STXBP5L: variants seen among roughly 807,000 people sequenced by gnomAD.
STXBP5L encodes the protein syntaxin binding protein 5L.
A neutral mutation model predicts 144.5 loss-of-function variants in STXBP5L; 65 were observed. The ratio of observed to expected loss-of-function variants is 0.45; its 90% CI spans 0.37 to 0.55. The LOEUF is 0.55. Ranked by LOEUF, STXBP5L falls within the 20% of genes least tolerant of loss-of-function variation. The pLI, the probability that STXBP5L is intolerant of heterozygous loss-of-function variation, is 0.00. For missense variants in STXBP5L, 1,298 were observed against 1,405.5 expected (o/e 0.92, Z 1.22); for synonymous variants, 505 against 469.6 (o/e 1.08, Z -0.97).
At chr3:121,045,590 G>A (rs1947462934) in intron 5 of STXBP5L, 55 bp downstream of exon 5, 2 of 1,515,670 alleles carry the variant, frequency 1.3e-6, no homozygotes, top group African/African-American at 1.4e-5. Flanking sequence ...TATTTCCTGA[G>A]CAAGTTTTTG....
intron 5 of STXBP5L, among the ~76,000 whole-genome samples, chr3:121,061,285 AGT>A (rs2041264636): frequency 6.6e-6 from 1 of 152,116 alleles, no homozygotes; most frequent in East Asian, 1.9e-4. Flanking sequence ...TGTGGTTTTG[AGT>A]GAGTTTCTTA....
intron 7 of STXBP5L, among the ~76,000 whole-genome samples, chr3:121,140,132 A>G (rs1385959403): frequency 7.1e-6 from 1 of 141,628 alleles, no homozygotes; most frequent in Non-Finnish European, 1.6e-5. Flanking sequence ...AAGACATATT[A>G]TAAATGGCCA....
At chr3:121,168,913 G>A (rs1293231206) in intron 9 of STXBP5L, among the ~76,000 whole-genome samples, 1 of 152,058 alleles carries the variant, frequency 6.6e-6, no homozygotes, top group Non-Finnish European at 1.5e-5. Context: ...TAAAATGAAG[G>A]AAAAAACATT....
intron 20 of STXBP5L, chr3:121,357,836 C>G (rs141872361): frequency 2.0e-5 from 3 of 152,160 alleles, no homozygotes; most frequent in Admixed American, 6.6e-5. Context: ...CACTTCCACA[C>G]GCATACAAAA....
At chr3:121,097,568 A>G (rs970446532) in intron 5 of STXBP5L, among the ~76,000 whole-genome samples, 5 of 152,050 alleles carry the variant, frequency 3.3e-5, no homozygotes, top group African/African-American at 1.2e-4. Flanking sequence ...TTAGGGGAGA[A>G]AATTTCCCGA....
chr3:120,996,259 A>G (rs1049463020), intron 3 of STXBP5L, among the ~76,000 whole-genome samples: 2 of 151,946 alleles, frequency 1.3e-5, no homozygotes, highest in Non-Finnish European at 2.9e-5. Flanking sequence ...TTTGGTGTTT[A>G]CGCAGATTTT....
At chr3:120,918,720 G>C (rs1464912325) in intron 2 of STXBP5L, among the ~76,000 whole-genome samples, 7 of 152,200 alleles carry the variant, frequency 4.6e-5, no homozygotes, top group South Asian at 2.1e-4. Flanking sequence ...TCTTTTTGTA[G>C]TTGATTTGTT....
At chr3:121,089,861 A>G (rs1213981854) in intron 5 of STXBP5L, among the ~76,000 whole-genome samples, 4 of 152,078 alleles carry the variant, frequency 2.6e-5, no homozygotes, top group South Asian at 4.1e-4. Context: ...TCTGGTGTTT[A>G]GCTTATCCAC....
intron 5 of STXBP5L, among the ~76,000 whole-genome samples, chr3:121,096,091 G>A (rs987573870): frequency 6.6e-6 from 1 of 150,492 alleles, no homozygotes; most frequent in Non-Finnish European, 1.5e-5. Context: ...TTGCTTGGTG[G>A]GCTGTACCCA....
chr3:121,051,201 C>A (rs1189815673), intron 5 of STXBP5L, among the ~76,000 whole-genome samples: 2 of 151,928 alleles, frequency 1.3e-5, no homozygotes, highest in Non-Finnish European at 2.9e-5. Flanking sequence ...ACAAGGATAC[C>A]CAGGAATTGT....
chr3:121,235,271 T>C (rs1005321161), intron 12 of STXBP5L, among the ~76,000 whole-genome samples: 1 of 152,082 alleles, frequency 6.6e-6, no homozygotes, highest in Non-Finnish European at 1.5e-5. Context: ...CTCTCAGCTA[T>C]ACTGAATGTT....
In STXBP5L at chr3:121,231,007, C is replaced by T. The variant is rs2049290256; in HGVS notation, c.1112-2609C>T. 2.0e-5 allele frequency among the ~76,000 whole-genome samples: 3 copies of T among 152,176 alleles called. No individual in the cohort carries two copies. In the South Asian group the frequency reaches 6.2e-4, roughly 32 times the overall value. On this transcript the variant is annotated intron_variant, in intron 11 of 26. Coordinates refer to ENST00000471454, the MANE Select transcript of STXBP5L (RefSeq NM_001308330.2). ...TAAGGTTCCTAGATCATAGAGGATC[C>T]CCAGTCCCATTATTTTTAATCACTA...
At chr3:121,188,138 A>G (rs2047478759) in intron 9 of STXBP5L, among the ~76,000 whole-genome samples, 1 of 152,144 alleles carries the variant, frequency 6.6e-6, no homozygotes, top group Non-Finnish European at 1.5e-5. Flanking sequence ...AAGAGAGAAA[A>G]TTAACAAGGA....
intron 3 of STXBP5L, among the ~76,000 whole-genome samples, chr3:120,986,666 C>T (rs971840559): frequency 3.3e-5 from 5 of 151,672 alleles, no homozygotes; most frequent in Non-Finnish European, 7.4e-5. Context: ...CACACCTGTT[C>T]TGATAACATG....
chr3:121,079,679 G>T (rs1576880559), intron 5 of STXBP5L, among the ~76,000 whole-genome samples: 1 of 152,164 alleles, frequency 6.6e-6, no homozygotes, highest in Non-Finnish European at 1.5e-5. Flanking sequence ...TTGCATTGTG[G>T]TCTGAGAAGA....
intron 5 of STXBP5L, among the ~76,000 whole-genome samples, chr3:121,100,605 G>A (rs1439835440): frequency 6.6e-6 from 1 of 152,028 alleles, no homozygotes; most frequent in Non-Finnish European, 1.5e-5. Flanking sequence ...AATGTTAAGA[G>A]GAAAGTTTAT....
rs541378382 is a variant in STXBP5L at position 121,288,355 on chromosome 3, A to G, written c.2110+8399A>G. Among the ~76,000 whole-genome samples, 7 of 152,340 alleles carry G rather than the reference A, an allele frequency of 4.6e-5. No individual in the cohort carries two copies. In the East Asian group the frequency reaches 1.2e-3, roughly 25 times the overall value. On this transcript the variant is annotated intron_variant, in intron 19 of 26. Transcript: ENST00000471454. ...AAGTTATATTTCTTCGGGTATATAC[A>G]TAATAGTGGGATTGCTGGGTTGAGT... is the stretch of plus-strand genomic sequence containing the variant.
At position 121,107,619 on chromosome 3, in the gene STXBP5L, G is replaced by T. The variant is rs1029798095; in HGVS notation, c.471-7306G>T. 8.5e-5 allele frequency among the ~76,000 whole-genome samples: 13 copies of T among 152,238 alleles called. No individual in the cohort carries two copies. The East Asian group carries it at 1.2e-3, about 14-fold the overall frequency. On this transcript the variant is annotated intron_variant, in intron 5 of 26. Coordinates refer to ENST00000471454, the MANE Select transcript of STXBP5L (RefSeq NM_001308330.2). ...GTGCTGTTTTGGTTACTATAGCCTT[G>T]TGGTATAGCTTGAAGTTGGGTATCA...
intron 10 of STXBP5L, among the ~76,000 whole-genome samples, chr3:121,210,160 T>C (rs914004094): frequency 2.0e-4 from 31 of 152,150 alleles, no homozygotes; most frequent in African/African-American, 7.2e-5. Context: ...ATTGTGGTTT[T>C]GATTTGCATT....
Sources: allele counts gnomAD v4.1 joint callset (sites outside exome capture counted in the v4.1 genomes callset), GRCh38; gene constraint gnomAD v4.1.1; transcripts MANE v1.5; gene names NCBI Gene and HGNC (gene_info 2026-07-23, HGNC 2026-07-21).